The following CEP128 variants were observed in gnomAD, a reference collection of about 807,000 sequenced individuals.
The protein encoded by CEP128 is centrosomal protein 128kDa.
Under a neutral mutation model 156.7 loss-of-function variants are expected in CEP128, and 132 were observed. The ratio of observed to expected loss-of-function variants is 0.84; its 90% CI spans 0.73 to 0.97. The LOEUF (loss-of-function observed/expected upper bound fraction) is 0.97, where lower values mean the gene tolerates loss of function less well. Ranked by LOEUF, CEP128 falls within the 50% of genes least tolerant of loss-of-function variation. The pLI is 0.00. For synonymous variants in CEP128, 469 were observed against 448.9 expected (o/e 1.04, Z -0.57); for missense variants, 1,252 against 1,281.9 (o/e 0.98, Z 0.36).
intron 13 of CEP128, among the ~76,000 whole-genome samples, chr14:80,823,710 C>A (rs1885318907): frequency 6.6e-6 from 1 of 152,214 alleles, no homozygotes; most frequent in South Asian, 2.1e-4. Flanking sequence ...CAGCTTCCAC[C>A]CCTGTGGCTT....
In CEP128 at chr14:80,714,589, G is replaced by A. The variant is rs139180336; in HGVS notation, c.2806+28486C>T. 9.3e-4 allele frequency among the ~76,000 whole-genome samples: 142 copies of A among 152,034 alleles called. 1 individual carries two copies. Among genetic ancestry groups the A allele is most frequent in the Admixed American group, 1.4e-3 (21 of 15,256 alleles). ...AATCACCTAATATCAGACAAGAACG[G>A]ATCTAGAAAATTACCCGAGCTCTCT... On this transcript the variant is annotated intron_variant, in intron 19 of 24. Transcript: ENST00000555265.
At chr14:80,954,262 T>C (rs1028921928) in intron 2 of CEP128, among the ~76,000 whole-genome samples, 3 of 150,740 alleles carry the variant, frequency 2.0e-5, no homozygotes, top group Non-Finnish European at 4.4e-5. Flanking sequence ...GGAGCAAGAC[T>C]CCGTTTCAAA....
intron 19 of CEP128, among the ~76,000 whole-genome samples, chr14:80,646,362 T>C (rs1238151522): frequency 6.6e-6 from 1 of 152,002 alleles, no homozygotes; most frequent in East Asian, 1.9e-4. Flanking sequence ...TTTTTTTTTT[T>C]TTGAAAAAGC....
chr14:80,813,631 C>T (rs1884685380), intron 13 of CEP128, among the ~76,000 whole-genome samples: 1 of 152,094 alleles, frequency 6.6e-6, no homozygotes, highest in African/African-American at 2.4e-5. Flanking sequence ...GATTTGTTAA[C>T]ATATAAATTT....
chr14:80,769,107 C>A (rs954572121), intron 16 of CEP128, among the ~76,000 whole-genome samples: 2 of 152,014 alleles, frequency 1.3e-5, no homozygotes, highest in African/African-American at 2.4e-5. Context: ...AGGGAACAAA[C>A]AACTAGAGTT....
At chr14:80,882,656 G>A (rs1292450669) in intron 8 of CEP128, among the ~76,000 whole-genome samples, 1 of 152,110 alleles carries the variant, frequency 6.6e-6, no homozygotes, top group African/African-American at 2.4e-5. Flanking sequence ...CCAAAATTTG[G>A]AAGTAATCTA....
At chr14:80,657,677 A>T (rs1379336626) in intron 19 of CEP128, among the ~76,000 whole-genome samples, 1 of 152,082 alleles carries the variant, frequency 6.6e-6, no homozygotes, top group Admixed American at 6.6e-5. Context: ...ACCACCTCTC[A>T]GGGGGATAAC....
intron 16 of CEP128, among the ~76,000 whole-genome samples, chr14:80,775,909 T>C (rs1900763274): frequency 6.6e-6 from 1 of 152,180 alleles, no homozygotes; most frequent in Admixed American, 6.5e-5. Context: ...CTCGGCTCGC[T>C]GCGACTTTCC....
chr14:80,774,386 A>C (rs990271977), intron 16 of CEP128, among the ~76,000 whole-genome samples: 1 of 152,188 alleles, frequency 6.6e-6, no homozygotes, highest in Non-Finnish European at 1.5e-5. Flanking sequence ...CAAATTAGAA[A>C]GCGTCCACCC....
At chr14:80,534,548 G>A (rs557147821) in intron 21 of CEP128, among the ~76,000 whole-genome samples, 17 of 152,266 alleles carry the variant, frequency 1.1e-4, no homozygotes, top group South Asian at 4.1e-4. Context: ...GAGCAGGGCC[G>A]GACGTGGTGG....
At chr14:80,496,150 G>A (rs923644361), downstream of CEP128, among the ~76,000 whole-genome samples, 11 of 152,060 alleles carry the variant, frequency 7.2e-5, no homozygotes, top group East Asian at 1.9e-4. Context: ...CAAACTTTGC[G>A]ACATGCATAC....
intron 19 of CEP128, among the ~76,000 whole-genome samples, chr14:80,617,943 G>C (rs1272022182): frequency 1.3e-5 from 2 of 152,234 alleles, no homozygotes. Context: ...GTAAGTTAGG[G>C]AATTAGTTAC....
chr14:80,631,908 C>T (rs1387981858), intron 19 of CEP128, among the ~76,000 whole-genome samples: 1 of 151,892 alleles, frequency 6.6e-6, no homozygotes. Context: ...TTTTTTCCCC[C>T]TCAGTGATAT....
chr14:80,695,951 TCAAA>T lies in CEP128; in HGVS notation c.2806+47120_2806+47123del, dbSNP rs534627761. Among the ~76,000 whole-genome samples the T allele has an allele frequency of 2.1e-4, 32 of 152,206 alleles. 2 individuals are homozygous for T. In the South Asian group the frequency reaches 6.0e-3, roughly 29 times the overall value. ...CTTCCAATTTCTTTATGAATTAAAC[TCAAA>T]CAAACACTCTGGCTTCATAGAGAAC... On this transcript the variant is annotated intron_variant, in intron 19 of 24. Coordinates refer to ENST00000555265, the MANE Select transcript of CEP128 (RefSeq NM_152446.5).
intron 9 of CEP128, among the ~76,000 whole-genome samples, chr14:80,844,427 G>A (rs1886496386): frequency 6.6e-6 from 1 of 151,960 alleles, no homozygotes; most frequent in Non-Finnish European, 1.5e-5. Context: ...AGTCCAAAAG[G>A]AATTCAATAT....
intron 8 of CEP128, among the ~76,000 whole-genome samples, chr14:80,889,647 A>C (rs1888986045): frequency 6.6e-6 from 1 of 152,234 alleles, no homozygotes; most frequent in Admixed American, 6.5e-5. Flanking sequence ...TAAAGACTTA[A>C]ACATAAATCC....
chr14:80,830,955 G>A, intron 13 of CEP128, 188 bp downstream of exon 13: 1 of 537,328 alleles, frequency 1.9e-6, no homozygotes, highest in Non-Finnish European at 3.2e-6. Flanking sequence ...TTGGGGTCCT[G>A]AATGAAAGAG....
At chr14:80,724,940 A>G (rs958568702) in intron 19 of CEP128, among the ~76,000 whole-genome samples, 32 of 148,122 alleles carry the variant, frequency 2.2e-4, no homozygotes, top group Non-Finnish European at 3.9e-4. Flanking sequence ...TACTATATAT[A>G]TATATCATAC....
chr14:80,900,138 C>A, intron 6 of CEP128, 109 bp from the exon 7 acceptor site: 1 of 647,010 alleles, frequency 1.5e-6, no homozygotes, highest in African/African-American at 1.8e-5. Context: ...TAACCAGATT[C>A]CGTAATATTA....
Sources: gnomAD v4.1 joint callset for allele counts (sites outside exome capture counted in the v4.1 genomes callset) on GRCh38, gnomAD v4.1.1 for gene constraint, MANE v1.5 for transcripts, NCBI Gene and HGNC (gene_info 2026-07-23, HGNC 2026-07-21) for gene names.